Variants in FABP1 observed in about 807,000 individuals in gnomAD.
The protein encoded by FABP1 is fatty acid-binding protein, liver.
FABP1 carries 13 observed loss-of-function variants against 13.7 expected under a neutral mutation model. The observed-to-expected ratio is 0.95, with a 90% CI of 0.62 to 1.51. The LOEUF (loss-of-function observed/expected upper bound fraction) is 1.51. FABP1 is among the 40% of genes most tolerant of loss of function. The pLI is 0.00. For missense variants in FABP1, 140 were observed against 155.7 expected (o/e 0.90, Z 0.54); for synonymous variants, 48 against 59.8 (o/e 0.80, Z 0.91).
intron 1 of FABP1, among the ~76,000 whole-genome samples, chr2:88,127,045 C>A (rs1573134834): frequency 6.6e-6 from 1 of 152,272 alleles, no homozygotes; most frequent in African/African-American, 2.4e-5. Flanking sequence ...TCTCTGGCAG[C>A]ACTGAAGGTC....
At chr2:88,123,950 T>C (rs1352469788) in intron 3 of FABP1, 1 of 152,370 alleles carries the variant, frequency 6.6e-6, no homozygotes, top group African/African-American at 2.4e-5. Flanking sequence ...CTCTCTAGTT[T>C]AAGAATTTTT....
chr2:88,125,393 G>A (rs1409214518), intron 2 of FABP1, among the ~76,000 whole-genome samples: 1 of 152,128 alleles, frequency 6.6e-6, no homozygotes, highest in Non-Finnish European at 1.5e-5. Flanking sequence ...AAGCAAACAC[G>A]CCCAGCCCAA....
Sources: gnomAD v4.1 joint callset for allele counts (sites outside exome capture counted in the v4.1 genomes callset) on GRCh38, gnomAD v4.1.1 for gene constraint, MANE v1.5 for transcripts, NCBI Gene and HGNC (gene_info 2026-07-23, HGNC 2026-07-21) for gene names.